ITGA3: variants seen among roughly 807,000 people sequenced by gnomAD.
ITGA3 encodes integrin alpha-3.
In ITGA3, 70 loss-of-function variants were observed where a neutral mutation model predicts 131.1. The observed-to-expected ratio is 0.53, with a 90% CI of 0.44 to 0.65. ITGA3 has a LOEUF of 0.65. Ranked by LOEUF, ITGA3 falls within the 30% of genes least tolerant of loss-of-function variation. The pLI is 0.00. For synonymous variants in ITGA3, 537 were observed against 571.6 expected, an observed-to-expected ratio of 0.94 and a Z score of 0.86; for missense variants, 1,098 against 1,388.6, an observed-to-expected ratio of 0.79 and a Z score of 3.33.
chr17:50,079,040 A>G, intron 19 of ITGA3, 36 bp from the exon 20 acceptor site: 2 of 1,597,532 alleles, frequency 1.3e-6, no homozygotes, highest in Non-Finnish European at 1.7e-6. Context: ...GTGGTTTTCC[A>G]GGAGATAATG....
At chr17:50,078,780 T>C in intron 18 of ITGA3, 44 bp from the exon 19 acceptor site, 1 of 1,206,192 alleles carries the variant, frequency 8.3e-7, no homozygotes, top group Non-Finnish European at 1.2e-6. Flanking sequence ...GCCAGGGCCC[T>C]GGTCTCTTGT....
At chr17:50,087,890 C>A in intron 24 of ITGA3, 21 bp downstream of exon 24, 1 of 1,543,552 alleles carries the variant, frequency 6.5e-7, no homozygotes, top group East Asian at 2.4e-5. Flanking sequence ...CAGCCCACTC[C>A]TGCTCCGGGA....
chr17:50,075,889 G>A (rs973608600), intron 12 of ITGA3, among the ~76,000 whole-genome samples, 154 bp downstream of exon 12: 2 of 152,210 alleles, frequency 1.3e-5, no homozygotes, highest in African/African-American at 4.8e-5. Flanking sequence ...GGAGTACAGT[G>A]TACAGCACCC....
Position 50,079,277 on chromosome 17 carries a change from A to T in ITGA3, c.2583+19A>T, listed in dbSNP as rs1909071483. 5 of 1,611,648 alleles carry T rather than the reference A, an allele frequency of 3.1e-6. No individual in the cohort carries two copies. The East Asian group carries it at 1.1e-4, about 36-fold the overall frequency. On this transcript the variant is annotated intron_variant, in intron 20 of 25. Coordinates refer to ENST00000320031, the MANE Select transcript of ITGA3 (RefSeq NM_002204.4). ...TCTTTCTGTAAGGACACTATCAGGG[A>T]TATTTCATTTGCATGCTACAGGGCA...
At chr17:50,075,394 C>A in intron 10 of ITGA3, 65 bp from the exon 11 acceptor site, 1 of 1,541,620 alleles carries the variant, frequency 6.5e-7, no homozygotes, top group Non-Finnish European at 9.0e-7. Flanking sequence ...AGTACAGAGG[C>A]GAGAGCTAGG....
intron 10 of ITGA3, among the ~76,000 whole-genome samples, chr17:50,074,861 C>T (rs913153811): frequency 1.3e-5 from 2 of 152,112 alleles, no homozygotes; most frequent in African/African-American, 4.8e-5. Context: ...AGGAGAGTCT[C>T]CTCAGGTGAA....
chr17:50,084,230 CAAAA>C (rs61103198), intron 23 of ITGA3, among the ~76,000 whole-genome samples: 2 of 26,982 alleles, frequency 7.4e-5, no homozygotes, highest in Admixed American at 4.3e-4. Context: ...GACTCTGTCT[CAAAA>C]AAAAAAAAAA....
At chr17:50,076,146 G>A (rs1908878407) in intron 12 of ITGA3, among the ~76,000 whole-genome samples, 180 bp from the exon 13 acceptor site, 1 of 150,872 alleles carries the variant, frequency 6.6e-6, no homozygotes, top group South Asian at 2.1e-4. Context: ...TCTCCTCTTG[G>A]AGGGTCAGGA....
chr17:50,057,084 G>A (rs1907862665), intron 1 of ITGA3, among the ~76,000 whole-genome samples: 2 of 152,218 alleles, frequency 1.3e-5, no homozygotes, highest in South Asian at 4.1e-4. Context: ...GTAGTCTGCG[G>A]CCACGCCAGC....
chr17:50,076,690 G>A lies in ITGA3; in HGVS notation c.1922+9G>A. ...CAGCAGAAGCTGAGCAGGTGGCTGT[G>A]GGCCGCCGGCCGCGTTAATCGGCCA... On this transcript the variant is annotated intron_variant, in intron 14 of 25. Transcript: ENST00000320031. 2 of 1,610,538 alleles carry A rather than the reference G, an allele frequency of 1.2e-6. No homozygotes were observed. Among genetic ancestry groups the A allele is most frequent in the Non-Finnish European group, 1.7e-6 (2 of 1,177,288 alleles).
chr17:50,070,751 G>A, intron 4 of ITGA3, 93 bp from the exon 5 acceptor site: 2 of 715,966 alleles, frequency 2.8e-6, no homozygotes, highest in East Asian at 5.5e-5. Flanking sequence ...ATCCTTGTTG[G>A]GTGGGGGTGG....
At chr17:50,066,408 C>T (rs763613112) in intron 3 of ITGA3, among the ~76,000 whole-genome samples, 18 of 151,364 alleles carry the variant, frequency 1.2e-4, no homozygotes, top group Non-Finnish European at 5.9e-5. Flanking sequence ...TAGCCTTGAA[C>T]TCCTGGGCTC....
In ITGA3 at chr17:50,074,457, C is replaced by A. The variant is rs1126539; in HGVS notation, c.1392C>A (p.Pro464=). The A allele has an allele frequency of 3.1e-6, 5 of 1,614,006 alleles. No homozygotes were observed. In the Admixed American group the frequency reaches 8.3e-5, roughly 27 times the overall value. ...SDHIVLLRAR[P]VINIVHKTLV... The stretch of plus-strand genomic sequence containing the variant: ...TCTGTTGTCTCTGCAGGGCCCGGCC[C>A]GTCATCAACATCGTCCACAAGACCT... The change falls in exon 10 of 26, where the codon CCC becomes CCA. Residue 464 remains proline, a synonymous_variant. Transcript: ENST00000320031.
chr17:50,056,585 G>C lies in ITGA3; in HGVS notation c.146G>C (p.Gly49Ala). 6.3e-7 allele frequency: 1 copy of C among 1,592,170 alleles called. No individual in the cohort carries two copies. The change falls in exon 1 of 26, where the codon GGC becomes GCC. Residue 49 changes from glycine (G) to alanine (A), a missense_variant. This residue lies in a region of ITGA3 where 356 missense variants were observed against 529.2 expected (regional missense o/e 0.67). Coordinates refer to ENST00000320031, the MANE Select transcript of ITGA3 (RefSeq NM_002204.4). This position sits in a 1 kb window ranked among gnomAD's most constrained non-coding sequence, Gnocchi z 5.6. Reference sequence around the variant, plus strand: ...GTAGTGAAGGAGGCCGGGAACCCGGGCAGCCTCTTCGGCTACTCGGTCGCC... The same window carrying C: ...GTAGTGAAGGAGGCCGGGAACCCGGCCAGCCTCTTCGGCTACTCGGTCGCC... ...FLVVKEAGNPGSLFGYSVALH... is the reference protein window; with the variant it reads ...FLVVKEAGNPASLFGYSVALH...
chr17:50,087,696 G>T, intron 23 of ITGA3, 48 bp from the exon 24 acceptor site: 1 of 1,584,016 alleles, frequency 6.3e-7, no homozygotes, highest in Non-Finnish European at 8.6e-7. Flanking sequence ...GGTGAGGATG[G>T]GCCTAAGCAG....
intron 1 of ITGA3, among the ~76,000 whole-genome samples, chr17:50,057,804 G>A (rs957941697): frequency 1.3e-5 from 2 of 152,172 alleles, no homozygotes; most frequent in Admixed American, 6.5e-5. Context: ...GCTTGAGGAA[G>A]TTTAGAATGT....
chr17:50,081,235 G>A (rs1399865760), intron 22 of ITGA3, 75 bp from the exon 23 acceptor site: 2 of 923,502 alleles, frequency 2.2e-6, no homozygotes, highest in Non-Finnish European at 1.7e-6. Context: ...GTGATGGGGT[G>A]GGAAAGCTTA....
At chr17:50,068,641 G>A (rs967118937) in intron 4 of ITGA3, among the ~76,000 whole-genome samples, 3 of 151,226 alleles carry the variant, frequency 2.0e-5, no homozygotes, top group Admixed American at 1.3e-4. Context: ...AGCTATGACC[G>A]CAGGCATGTG....
intron 3 of ITGA3, chr17:50,066,060 C>T (rs1908330010): frequency 6.6e-6 from 1 of 150,392 alleles, no homozygotes; most frequent in Non-Finnish European, 1.5e-5. Flanking sequence ...AAAAAGACTC[C>T]ATCTCTCAAC....
Sources: gnomAD v4.1 joint callset for allele counts (sites outside exome capture counted in the v4.1 genomes callset) on GRCh38, gnomAD v4.1.1 for gene constraint, gnomAD v4.1.1 regional missense constraint, Gnocchi (gnomAD v3.1) non-coding constraint, MANE v1.5 for transcripts, NCBI Gene and HGNC (gene_info 2026-07-23, HGNC 2026-07-21) for gene names.